EIF4G3: variants seen among roughly 807,000 people sequenced by gnomAD.
EIF4G3 encodes eIF-4-gamma 3.
In EIF4G3, 34 loss-of-function variants were observed where a neutral mutation model predicts 186.4. That is an observed-to-expected ratio of 0.18 (90% CI 0.14 to 0.24). The LOEUF (loss-of-function observed/expected upper bound fraction) is 0.24, where lower values mean the gene tolerates loss of function less well. Among genes scored for constraint, EIF4G3 ranks in the 10% least tolerant of loss-of-function variants. EIF4G3 has a pLI of 1.00. For missense variants in EIF4G3, 1,536 were observed against 1,948.5 expected (o/e 0.79, Z 3.99); for synonymous variants, 673 against 679.5 (o/e 0.99, Z 0.15).
At chr1:20,882,212 C>CAA (rs770778873) in intron 19 of EIF4G3, among the ~76,000 whole-genome samples, 9 of 57,970 alleles carry the variant, frequency 1.6e-4, no homozygotes, top group African/African-American at 4.0e-4. Flanking sequence ...CACACACACA[C>CAA]ACAAAATCAT....
chr1:20,826,724 G>A (rs1205511339), intron 32 of EIF4G3, among the ~76,000 whole-genome samples: 2 of 151,862 alleles, frequency 1.3e-5, no homozygotes, highest in Admixed American at 6.6e-5. Flanking sequence ...TCTTAACCTC[G>A]TGATCTGCCC....
chr1:20,921,971 A>G (rs554077590), intron 14 of EIF4G3, among the ~76,000 whole-genome samples: 1 of 152,356 alleles, frequency 6.6e-6, no homozygotes, highest in African/African-American at 2.4e-5. Flanking sequence ...GTAGTAAATG[A>G]CAAAATTATC....
Position 21,070,151 on chromosome 1 carries a change from TG to T in EIF4G3, c.-196+18986del, listed in dbSNP as rs573668856. Among the ~76,000 whole-genome samples, 43 of 152,274 alleles carry T rather than the reference TG, an allele frequency of 2.8e-4. 2 individuals carry two copies. The South Asian group carries it at 8.3e-3, about 29-fold the overall frequency. ...ATCTAGGAAAATTTTAAGGCCACTG[TG>T]GAAAACCATTTGCATCTAGTGATTG... is the stretch of plus-strand genomic sequence containing the variant. On this transcript the variant is annotated intron_variant, in intron 3 of 36. Transcript: ENST00000602326.
At chr1:20,970,027 A>T (rs898815694) in intron 11 of EIF4G3, among the ~76,000 whole-genome samples, 1 of 151,902 alleles carries the variant, frequency 6.6e-6, no homozygotes, top group African/African-American at 2.4e-5. Context: ...GCAGTGGCGC[A>T]ATCTCGGCTC....
At chr1:20,885,836 C>T (rs752067401) in intron 19 of EIF4G3, among the ~76,000 whole-genome samples, 3 of 151,944 alleles carry the variant, frequency 2.0e-5, no homozygotes, top group Non-Finnish European at 4.4e-5. Context: ...GCAATGAAGG[C>T]CTGACAAGGA....
intron 33 of EIF4G3, among the ~76,000 whole-genome samples, chr1:20,818,552 G>A (rs1180185615): frequency 2.0e-5 from 3 of 152,132 alleles, no homozygotes; most frequent in African/African-American, 7.2e-5. Flanking sequence ...TGAGATGGGA[G>A]GATTGCTTGA....
At chr1:21,068,888 C>T (rs184553933) in intron 3 of EIF4G3, among the ~76,000 whole-genome samples, 1 of 152,254 alleles carries the variant, frequency 6.6e-6, no homozygotes, top group East Asian at 1.9e-4. Context: ...AGTTCAGCAC[C>T]CCCAATCTGA....
At chr1:21,042,128 A>AG in intron 4 of EIF4G3, among the ~76,000 whole-genome samples, 1 of 152,004 alleles carries the variant, frequency 6.6e-6, no homozygotes, top group South Asian at 2.1e-4. Flanking sequence ...GTGAGACGAG[A>AG]GGCCCACGCC....
At chr1:20,874,631 C>T (rs2080229854) in intron 20 of EIF4G3, among the ~76,000 whole-genome samples, 1 of 152,072 alleles carries the variant, frequency 6.6e-6, no homozygotes, top group South Asian at 2.1e-4. Flanking sequence ...TCAGTTAATG[C>T]ACTCCAAACA....
intron 3 of EIF4G3, among the ~76,000 whole-genome samples, chr1:21,057,314 T>G (rs1211938108): frequency 6.6e-6 from 1 of 152,188 alleles, no homozygotes; most frequent in Non-Finnish European, 1.5e-5. Flanking sequence ...ACTGAAAATT[T>G]TCCTATACAG....
chr1:20,856,019 T>C lies in EIF4G3; in HGVS notation c.3340-948A>G, dbSNP rs796385466. 2.6e-5 allele frequency among the ~76,000 whole-genome samples: 4 copies of C among 152,340 alleles called. 1 individual carries two copies. Among genetic ancestry groups the C allele is most frequent in the African/African-American group, 9.6e-5 (4 of 41,590 alleles). On this transcript the variant is annotated intron_variant, in intron 25 of 36. Transcript: ENST00000602326. ...AATACCGACACATTTTTCAAAATGC[T>C]GGAGGACTTCTTTAAACATAAACTT... is the stretch of plus-strand genomic sequence containing the variant.
intron 3 of EIF4G3, among the ~76,000 whole-genome samples, chr1:21,052,576 C>T (rs1442398709): frequency 1.3e-5 from 2 of 151,940 alleles, no homozygotes; most frequent in Non-Finnish European, 2.9e-5. Flanking sequence ...TCTCCCTCTC[C>T]CTCTCCCCAC....
chr1:20,987,693 C>G (rs557885288), intron 7 of EIF4G3, among the ~76,000 whole-genome samples: 2 of 152,236 alleles, frequency 1.3e-5, no homozygotes, highest in Admixed American at 1.3e-4. Context: ...GTTGTCCCCC[C>G]GCCTCTCCCA....
chr1:21,021,908 C>T (rs571788037), intron 4 of EIF4G3, among the ~76,000 whole-genome samples: 2 of 152,152 alleles, frequency 1.3e-5, no homozygotes, highest in Non-Finnish European at 2.9e-5. Flanking sequence ...ACCTTCAGTA[C>T]AAGATGAATA....
intron 30 of EIF4G3, among the ~76,000 whole-genome samples, chr1:20,831,278 A>T (rs1216143020): frequency 2.1e-5 from 3 of 142,990 alleles, no homozygotes; most frequent in Admixed American, 2.1e-4. Flanking sequence ...AAAAATATTA[A>T]TTTTTTTTTT....
intron 14 of EIF4G3, among the ~76,000 whole-genome samples, chr1:20,912,839 T>C (rs926900457): frequency 6.6e-6 from 1 of 152,238 alleles, no homozygotes; most frequent in East Asian, 1.9e-4. Flanking sequence ...GTGAATCCTA[T>C]TCTGTCCCAA....
At chr1:20,961,110 T>G (rs1465000884) in intron 12 of EIF4G3, among the ~76,000 whole-genome samples, 1 of 152,056 alleles carries the variant, frequency 6.6e-6, no homozygotes, top group East Asian at 1.9e-4. Flanking sequence ...ATTGGCCAGG[T>G]GTGGTGGCTC....
intron 2 of EIF4G3, among the ~76,000 whole-genome samples, chr1:21,131,239 C>CAA (rs33913086): frequency 0.026 from 2,996 of 114,044 alleles, 87 homozygotes; most frequent in Non-Finnish European, 0.036. Context: ...GATTCTGCCT[C>CAA]AAAAAAAAAA....
chr1:20,836,569 T>C (rs189489940), intron 30 of EIF4G3, among the ~76,000 whole-genome samples: 7 of 152,326 alleles, frequency 4.6e-5, no homozygotes, highest in Admixed American at 4.6e-4. Flanking sequence ...TTTACCAATG[T>C]AGAATTGCCG....
Sources: gnomAD v4.1 joint callset for allele counts (sites outside exome capture counted in the v4.1 genomes callset) on GRCh38, gnomAD v4.1.1 for gene constraint, MANE v1.5 for transcripts, NCBI Gene and HGNC (gene_info 2026-07-23, HGNC 2026-07-21) for gene names.